Variants in EML1 observed in about 807,000 individuals in gnomAD.
The protein encoded by EML1 is echinoderm microtubule-associated protein-like 1.
In EML1, 27 loss-of-function variants were observed where a neutral mutation model predicts 110.4. The observed-to-expected ratio is 0.24, with a 90% CI of 0.18 to 0.34. The LOEUF is 0.34. EML1 is among the 10% of genes least tolerant of loss of function. EML1 has a pLI of 1.00. For missense variants in EML1, 741 were observed against 1,030.9 expected (o/e 0.72, Z 3.85); for synonymous variants, 344 against 385.8 (o/e 0.89, Z 1.27).
At chr14:99,923,598 G>A (rs7157664) in intron 17 of EML1, among the ~76,000 whole-genome samples, 8 of 152,106 alleles carry the variant, frequency 5.3e-5, no homozygotes, top group African/African-American at 1.9e-4. Context: ...AAAATCAATC[G>A]ATCAGAAATG....
rs377163239 is a variant in EML1, at chr14:99,898,283, G to A, written c.878G>A (p.Gly293Asp). The change falls in exon 8 of 22, where the codon GGC becomes GAC. Residue 293 changes from glycine to aspartate, a missense_variant. This residue lies in a region of EML1 where 388 missense variants were observed against 605.6 expected (regional missense o/e 0.64). Coordinates refer to ENST00000262233, the MANE Select transcript of EML1 (RefSeq NM_004434.3). ...ACGATAGCAACAGGACAAGTTGCGG[G>A]CACATCGAAGGATGGAAAAGTGAGT... is the stretch of plus-strand genomic sequence containing the variant. ...RITIATGQVA[G>D]TSKDGKQLPP... is the part of the protein sequence containing the mutation. 9 of 1,611,410 alleles carry A rather than the reference G, an allele frequency of 5.6e-6. No homozygotes were observed. The highest frequency in any genetic ancestry group is 7.6e-6 in the Non-Finnish European group (9 of 1,178,398).
intron 1 of EML1, among the ~76,000 whole-genome samples, chr14:99,752,754 T>G (rs1007037363): frequency 2.6e-5 from 4 of 152,150 alleles, no homozygotes; most frequent in African/African-American, 9.7e-5. Flanking sequence ...TTTAAGGAAG[T>G]GATTTATGGC....
At chr14:99,767,091 A>G (rs1204554081) in intron 1 of EML1, among the ~76,000 whole-genome samples, 1 of 152,198 alleles carries the variant, frequency 6.6e-6, no homozygotes, top group Non-Finnish European at 1.5e-5. Context: ...CACGGTGAGA[A>G]ACTTCAGGGA....
intron 16 of EML1, among the ~76,000 whole-genome samples, chr14:99,920,071 T>C (rs1319143506): frequency 2.6e-5 from 4 of 152,320 alleles, no homozygotes; most frequent in South Asian, 4.1e-4. Context: ...GTCATTCTGA[T>C]GTTAACACTC....
In EML1 at chr14:99,903,261, A is replaced by G. The variant is rs555441059; in HGVS notation, c.1008+2222A>G. On this transcript the variant is annotated intron_variant, in intron 9 of 21. Coordinates refer to ENST00000262233, the MANE Select transcript of EML1 (RefSeq NM_004434.3). ...TTTCAATCTTCTATTAGTTTGGTTC[A>G]TGCAGTTAACTCCTGTTCTGCTTGA... Among the ~76,000 whole-genome samples the G allele has an allele frequency of 4.6e-5, 7 of 152,358 alleles. No individual in the cohort carries two copies. In the East Asian group the frequency reaches 1.4e-3, roughly 29 times the overall value.
At chr14:99,750,135 C>T (rs1179721950) in intron 1 of EML1, among the ~76,000 whole-genome samples, 1 of 152,238 alleles carries the variant, frequency 6.6e-6, no homozygotes, top group East Asian at 1.9e-4. Context: ...GGGAGTACCA[C>T]CAGCCTGTCA....
intron 2 of EML1, among the ~76,000 whole-genome samples, chr14:99,854,152 C>T (rs567921707): frequency 2.0e-5 from 3 of 152,268 alleles, no homozygotes; most frequent in South Asian, 2.1e-4. Flanking sequence ...AAAGCCAGTG[C>T]GGGAAGAGCG....
In EML1 at chr14:99,900,997, T is replaced by C; in HGVS notation, c.966T>C (p.Gly322=). 1 of 1,613,592 alleles carries C rather than the reference T, an allele frequency of 6.2e-7. No homozygotes were observed. Among genetic ancestry groups the C allele is most frequent in the Non-Finnish European group, 8.5e-7 (1 of 1,179,606 alleles). The part of the protein sequence containing the change: ...TLNTLHVIGI[G]FFDRAVTCIA... The stretch of plus-strand genomic sequence containing the variant: ...ATACTCTCCACGTCATTGGAATAGG[T>C]TTTTTTGACCGAGCAGTCACCTGTA... Residue 322 remains glycine, a synonymous_variant, in exon 9 of 22, where the codon GGT becomes GGC. Coordinates refer to ENST00000262233, the MANE Select transcript of EML1 (RefSeq NM_004434.3).
At chr14:99,908,400 C>T (rs187653911) in intron 10 of EML1, among the ~76,000 whole-genome samples, 14 of 152,216 alleles carry the variant, frequency 9.2e-5, no homozygotes, top group African/African-American at 3.1e-4. Flanking sequence ...CTCATCTTTG[C>T]ATCTATTAAC....
At chr14:99,907,100 A>G (rs904933059) in intron 9 of EML1, 3 of 152,956 alleles carry the variant, frequency 2.0e-5, no homozygotes, top group African/African-American at 7.2e-5. Context: ...TCTCTTCCCC[A>G]ATTCCTGTTT....
At chr14:99,743,430 C>T (rs1311919149) in intron 1 of EML1, among the ~76,000 whole-genome samples, 1 of 152,182 alleles carries the variant, frequency 6.6e-6, no homozygotes, top group Non-Finnish European at 1.5e-5. Context: ...GCCCTTCTCA[C>T]AGAAGTTACG....
chr14:99,754,991 A>G (rs1389988952), intron 1 of EML1, among the ~76,000 whole-genome samples: 1 of 152,210 alleles, frequency 6.6e-6, no homozygotes, highest in East Asian at 1.9e-4. Flanking sequence ...TAATCCCGCT[A>G]ATGGTTTATC....
intron 6 of EML1, among the ~76,000 whole-genome samples, chr14:99,895,674 T>C (rs1361367289): frequency 6.6e-6 from 1 of 151,306 alleles, no homozygotes; most frequent in Non-Finnish European, 1.5e-5. Context: ...GAAGGGATGA[T>C]AGAAAAATAT....
At chr14:99,838,713 T>C (rs2058578790) in intron 1 of EML1, among the ~76,000 whole-genome samples, 1 of 152,108 alleles carries the variant, frequency 6.6e-6, no homozygotes, top group African/African-American at 2.4e-5. Flanking sequence ...CTACTGCGCC[T>C]CATAGCAAAA....
At chr14:99,742,423 A>T in intron 1 of EML1, among the ~76,000 whole-genome samples, 1 of 152,020 alleles carries the variant, frequency 6.6e-6, no homozygotes, top group South Asian at 2.1e-4. Context: ...CAGTGGGTGG[A>T]GGAATTGGAA....
upstream of EML1, among the ~76,000 whole-genome samples, chr14:99,771,005 T>C (rs1015743551): frequency 1.3e-5 from 2 of 151,818 alleles, no homozygotes; most frequent in African/African-American, 4.8e-5. Context: ...AGGATGGTCT[T>C]GATCTCCTGA....
chr14:99,750,028 C>T (rs942851518), intron 1 of EML1, among the ~76,000 whole-genome samples: 6 of 152,230 alleles, frequency 3.9e-5, no homozygotes, highest in Admixed American at 3.3e-4. Context: ...GCGAGGTTGG[C>T]TCTTTCTGCC....
intron 7 of EML1, 140 bp downstream of exon 7, chr14:99,897,434 T>G (rs2059690037): frequency 1.2e-5 from 11 of 926,104 alleles, no homozygotes; most frequent in Non-Finnish European, 1.7e-5. Context: ...TGATTCCTGT[T>G]GCACAGGTGG....
chr14:99,739,785 A>G (rs931339748), intron 1 of EML1, among the ~76,000 whole-genome samples: 3 of 152,128 alleles, frequency 2.0e-5, no homozygotes, highest in African/African-American at 4.8e-5. Context: ...AGGCCTTTCT[A>G]GGATTCCTGC....
Sources: gnomAD v4.1 joint callset for allele counts (sites outside exome capture counted in the v4.1 genomes callset) on GRCh38, gnomAD v4.1.1 for gene constraint, gnomAD v4.1.1 regional missense constraint, MANE v1.5 for transcripts, NCBI Gene and HGNC (gene_info 2026-07-23, HGNC 2026-07-21) for gene names.